Variants in HS6ST2 observed in about 807,000 individuals in gnomAD.
HS6ST2 encodes heparan sulfate 6-O-sulfotransferase 2.
A neutral mutation model predicts 33.0 loss-of-function variants in HS6ST2; 17 were observed. The observed-to-expected ratio is 0.52, with a 90% CI of 0.35 to 0.77. The LOEUF is 0.77. Ranked by LOEUF, HS6ST2 falls within the 30% of genes least tolerant of loss-of-function variation. The pLI is 0.01. For synonymous variants in HS6ST2, 248 were observed against 237.1 expected (o/e 1.05, Z -0.42); for missense variants, 519 against 551.7 (o/e 0.94, Z 0.59).
chrX:132,928,375 G>A (rs1319430255), intron 2 of HS6ST2, among the ~76,000 whole-genome samples: 1 of 110,619 alleles, frequency 9.0e-6, no homozygotes, highest in African/African-American at 3.3e-5. Context: ...CCAAAATGCT[G>A]GGATTACAGG....
At chrX:132,818,279 C>A (rs2065415975) in intron 2 of HS6ST2, among the ~76,000 whole-genome samples, 2 of 111,171 alleles carry the variant, frequency 1.8e-5, no homozygotes, top group African/African-American at 6.5e-5. Flanking sequence ...ATGTTCTAAG[C>A]TTGACCCACC....
intron 2 of HS6ST2, among the ~76,000 whole-genome samples, chrX:132,917,529 A>T (rs1453176963): frequency 9.2e-6 from 1 of 108,924 alleles, no homozygotes; most frequent in Admixed American, 9.8e-5. Flanking sequence ...GAACCCGGGA[A>T]CCGGAAGTTG....
intron 2 of HS6ST2, among the ~76,000 whole-genome samples, chrX:132,867,241 G>A (rs756176582): frequency 4.3e-3 from 458 of 107,282 alleles, no homozygotes; most frequent in African/African-American, 0.015. Flanking sequence ...AGATAATCAT[G>A]TGGTTTTTGT....
rs1227847824 is a variant in HS6ST2, at chrX:132,629,175, T to C, written c.1068-82A>G. The C allele has an allele frequency of 4.8e-6, 5 of 1,038,542 alleles. No homozygotes were observed. The African/African-American group carries it at 7.6e-5, about 16-fold the overall frequency. 85.6% of individuals were successfully genotyped at this position (1,038,542 alleles called of 1,213,427 possible). Reference sequence around the variant, plus strand: ...ATGGAGGTACATGGCATATGTGGTGTTCACTGGCTAAAAAGGAAGGCAAAG... The same window carrying C: ...ATGGAGGTACATGGCATATGTGGTGCTCACTGGCTAAAAAGGAAGGCAAAG... On this transcript the variant is annotated intron_variant, in intron 4 of 4. Coordinates refer to ENST00000370833, the MANE Select transcript of HS6ST2 (RefSeq NM_001394073.1).
At chrX:132,837,432 T>C (rs774689285) in intron 2 of HS6ST2, among the ~76,000 whole-genome samples, 2 of 111,283 alleles carry the variant, frequency 1.8e-5, no homozygotes, top group Non-Finnish European at 3.8e-5. Flanking sequence ...ATAAATGGCC[T>C]TGTGACTTCC....
intron 4 of HS6ST2, among the ~76,000 whole-genome samples, chrX:132,659,214 T>C (rs1380386640): frequency 2.7e-5 from 3 of 112,443 alleles, no homozygotes; most frequent in Admixed American, 9.4e-5. Context: ...GCCTGAATTT[T>C]ATAGCATTGC....
chrX:132,891,746 C>T lies in HS6ST2; in HGVS notation c.947+65062G>A, dbSNP rs201769530. The stretch of plus-strand genomic sequence containing the variant: ...TTTTTTATGGCTGCATAGTATTCCA[C>T]GGTGTATATGTGCCACATTTTCTTA... On this transcript the variant is annotated intron_variant, in intron 2 of 4. Transcript: ENST00000370833. Among the ~76,000 whole-genome samples the T allele has an allele frequency of 4.4e-3, 495 of 111,720 alleles. 6 individuals carry two copies. Among genetic ancestry groups the T allele is most frequent in the East Asian group, 0.038 (134 of 3,536 alleles).
At chrX:132,689,764 A>T (rs1049910969) in intron 3 of HS6ST2, among the ~76,000 whole-genome samples, 4 of 112,471 alleles carry the variant, frequency 3.6e-5, no homozygotes, top group African/African-American at 1.3e-4. Context: ...TCATGAAGAT[A>T]CTTCAGTTTG....
rs1301585719 is a variant in HS6ST2, at chrX:132,628,571, A to G, written c.1590T>C (p.Tyr530=). ...ACCTCTGCAAAAAAAGGTCTTTGGC[A>G]TAGCTGTACAACTCCATATCCAGAA... The part of the protein sequence containing the change: ...LNFLDMELYS[Y]AKDLFLQRYQ... The change falls in exon 5 of 5, where the codon TAT becomes TAC. Residue 530 remains tyrosine (Y), a synonymous_variant. Transcript: ENST00000370833. The G allele has an allele frequency of 5.0e-6, 6 of 1,211,388 alleles. No individual in the cohort carries two copies. Among genetic ancestry groups the G allele is most frequent in the Non-Finnish European group, 5.6e-6 (5 of 895,327 alleles).
chrX:132,821,710 G>T (rs1335387963), intron 2 of HS6ST2, among the ~76,000 whole-genome samples: 1 of 111,593 alleles, frequency 9.0e-6, no homozygotes, highest in African/African-American at 3.3e-5. Context: ...GCATTTGCTG[G>T]CACGGCATGG....
At chrX:132,767,578 T>C (rs1300358268) in intron 2 of HS6ST2, among the ~76,000 whole-genome samples, 1 of 111,334 alleles carries the variant, frequency 9.0e-6, no homozygotes, top group Non-Finnish European at 1.9e-5. Flanking sequence ...AAAAAAATTA[T>C]TTCTCCAAAC....
At chrX:132,960,828 T>C (rs1249504160), upstream of HS6ST2, among the ~76,000 whole-genome samples, 3 of 111,931 alleles carry the variant, frequency 2.7e-5, no homozygotes, top group Non-Finnish European at 5.6e-5. Context: ...GGAATTCATA[T>C]ATCAGGGCTC....
chrX:132,741,302 GTT>G (rs746132429), intron 2 of HS6ST2, among the ~76,000 whole-genome samples: 1 of 96,971 alleles, frequency 1.0e-5, no homozygotes. Flanking sequence ...TTTTGGTTTT[GTT>G]TTTTTTTTTT....
At chrX:132,702,439 C>T (rs1292775319) in intron 3 of HS6ST2, among the ~76,000 whole-genome samples, 1 of 111,921 alleles carries the variant, frequency 8.9e-6, no homozygotes, top group Non-Finnish European at 1.9e-5. Flanking sequence ...CTAATACTGA[C>T]TACGACAAGA....
At chrX:132,765,532 C>T (rs759424238) in intron 2 of HS6ST2, among the ~76,000 whole-genome samples, 14 of 111,637 alleles carry the variant, frequency 1.3e-4, no homozygotes, top group Non-Finnish European at 9.4e-5. Flanking sequence ...ACATATCTTG[C>T]TGAAGCCTCA....
At chrX:132,951,892 C>T (rs1451241909) in intron 2 of HS6ST2, among the ~76,000 whole-genome samples, 2 of 112,097 alleles carry the variant, frequency 1.8e-5, no homozygotes, top group Non-Finnish European at 3.8e-5. Context: ...AAACAAAATC[C>T]ATTTTTTAAT....
intron 4 of HS6ST2, among the ~76,000 whole-genome samples, chrX:132,637,117 T>C (rs1056126716): frequency 1.8e-5 from 2 of 111,691 alleles, no homozygotes; most frequent in African/African-American, 6.5e-5. Context: ...AAAAAAGTGG[T>C]TCCTAAAGTG....
intron 2 of HS6ST2, among the ~76,000 whole-genome samples, chrX:132,952,021 A>T (rs2067020741): frequency 8.9e-6 from 1 of 112,197 alleles, no homozygotes; most frequent in Non-Finnish European, 1.9e-5. Context: ...TGAATGACAG[A>T]AAAAAACGGA....
At chrX:132,903,235 T>G (rs2148463037) in intron 2 of HS6ST2, among the ~76,000 whole-genome samples, 1 of 111,439 alleles carries the variant, frequency 9.0e-6, no homozygotes, top group African/African-American at 3.3e-5. Flanking sequence ...ATAAATTTAA[T>G]AAAATAAGCC....
Sources: allele counts gnomAD v4.1 joint callset (sites outside exome capture counted in the v4.1 genomes callset), GRCh38; gene constraint gnomAD v4.1.1; transcripts MANE v1.5; gene names NCBI Gene and HGNC (gene_info 2026-07-23, HGNC 2026-07-21).